The following EIF4G3 variants were observed in gnomAD, a reference collection of about 807,000 sequenced individuals.
The protein encoded by EIF4G3 is eIF-4-gamma 3.
EIF4G3 carries 34 observed loss-of-function variants against 186.4 expected under a neutral mutation model. The ratio of observed to expected loss-of-function variants is 0.18; its 90% confidence interval spans 0.14 to 0.24. The LOEUF is 0.24. Ranked by LOEUF, EIF4G3 falls within the 10% of genes least tolerant of loss-of-function variation. The pLI is 1.00. For synonymous variants in EIF4G3, 673 were observed against 679.5 expected, an observed-to-expected ratio of 0.99 and a Z score of 0.15; for missense variants, 1,536 against 1,948.5, an observed-to-expected ratio of 0.79 and a Z score of 3.99.
At chr1:21,161,274 C>A (rs947751362) in intron 2 of EIF4G3, among the ~76,000 whole-genome samples, 2 of 151,710 alleles carry the variant, frequency 1.3e-5, no homozygotes, top group Non-Finnish European at 2.9e-5. Flanking sequence ...GAGGCCGAGG[C>A]GGGTGGATCA....
intron 7 of EIF4G3, among the ~76,000 whole-genome samples, chr1:20,990,797 G>A (rs998323087): frequency 1.3e-5 from 2 of 152,176 alleles, no homozygotes; most frequent in Non-Finnish European, 2.9e-5. Flanking sequence ...AAAAATTCAC[G>A]ACTTGCTTTA....
intron 2 of EIF4G3, among the ~76,000 whole-genome samples, chr1:21,153,304 C>T (rs1248606556): frequency 6.6e-6 from 1 of 152,202 alleles, no homozygotes; most frequent in Non-Finnish European, 1.5e-5. Context: ...ATTCTAACGG[C>T]ATTCTGAATA....
chr1:21,017,488 C>A (rs999291266), intron 4 of EIF4G3, among the ~76,000 whole-genome samples: 2 of 151,868 alleles, frequency 1.3e-5, no homozygotes, highest in African/African-American at 4.8e-5. Flanking sequence ...ATTAGCTGGG[C>A]GTGGTGGCGG....
At chr1:20,986,959 A>G (rs954813722) in intron 7 of EIF4G3, among the ~76,000 whole-genome samples, 1 of 151,992 alleles carries the variant, frequency 6.6e-6, no homozygotes, top group Non-Finnish European at 1.5e-5. Context: ...GAAGGTGAAA[A>G]CTCTCATTTG....
chr1:21,161,574 G>A (rs1303470953), intron 2 of EIF4G3: 1 of 152,258 alleles, frequency 6.6e-6, no homozygotes, highest in Non-Finnish European at 1.5e-5. Context: ...TATCCTTTCA[G>A]AAAAATCTCA....
intron 2 of EIF4G3, among the ~76,000 whole-genome samples, chr1:21,139,416 C>A (rs573477685): frequency 1.3e-5 from 2 of 152,180 alleles, no homozygotes; most frequent in East Asian, 3.9e-4. Context: ...AATCTCACCA[C>A]TGCACTCCAG....
intron 11 of EIF4G3, 107 bp downstream of exon 11, chr1:20,972,895 A>G: frequency 1.1e-6 from 1 of 882,086 alleles, no homozygotes. Flanking sequence ...AAAAAAAAAA[A>G]AGGCACAGTA....
intron 2 of EIF4G3, among the ~76,000 whole-genome samples, chr1:21,141,480 GAAAAA>G (rs1221266065): frequency 1.4e-5 from 1 of 70,008 alleles, no homozygotes; most frequent in Admixed American, 1.4e-4. Context: ...CCTACCAAGA[GAAAAA>G]AAAAAAAAAA....
chr1:20,901,169 C>G (rs1244399708), intron 15 of EIF4G3, among the ~76,000 whole-genome samples: 4 of 152,026 alleles, frequency 2.6e-5, no homozygotes, highest in Non-Finnish European at 5.9e-5. Context: ...AAAAGACAGA[C>G]AGACATAATA....
intron 20 of EIF4G3, among the ~76,000 whole-genome samples, chr1:20,867,037 C>T (rs552328005): frequency 7.2e-5 from 11 of 152,290 alleles, no homozygotes; most frequent in African/African-American, 2.6e-4. Flanking sequence ...AAGCCACTGC[C>T]ATATGGTGAG....
chr1:21,133,461 G>A (rs1032650354), intron 2 of EIF4G3, among the ~76,000 whole-genome samples: 6 of 152,024 alleles, frequency 3.9e-5, no homozygotes, highest in Admixed American at 2.6e-4. Flanking sequence ...TCCTGACCTC[G>A]TGATCCGCCC....
intron 4 of EIF4G3, among the ~76,000 whole-genome samples, chr1:21,004,323 G>A (rs1005652535): frequency 1.3e-5 from 2 of 151,976 alleles, no homozygotes; most frequent in African/African-American, 4.8e-5. Flanking sequence ...GCTTTTCATT[G>A]TAAATCCATG....
chr1:21,029,648 T>C (rs1189663625), intron 4 of EIF4G3, among the ~76,000 whole-genome samples: 1 of 151,844 alleles, frequency 6.6e-6, no homozygotes, highest in Non-Finnish European at 1.5e-5. Context: ...CAAAGAGAAC[T>C]AGTGGTTTTA....
intron 3 of EIF4G3, among the ~76,000 whole-genome samples, chr1:21,060,184 A>C (rs1006457104): frequency 6.6e-5 from 10 of 152,154 alleles, no homozygotes; most frequent in Non-Finnish European, 7.3e-5. Flanking sequence ...TTCTAGGCTC[A>C]AGGGGTCCGC....
intron 6 of EIF4G3, among the ~76,000 whole-genome samples, chr1:20,998,386 A>G (rs1381657580): frequency 2.6e-5 from 4 of 152,156 alleles, no homozygotes; most frequent in African/African-American, 9.6e-5. Flanking sequence ...AAAAGAGTAA[A>G]TAAGTCAAAT....
intron 14 of EIF4G3, among the ~76,000 whole-genome samples, chr1:20,939,604 C>T (rs957793128): frequency 3.3e-5 from 5 of 152,108 alleles, no homozygotes; most frequent in Non-Finnish European, 5.9e-5. Context: ...TTTCACTTTA[C>T]ACTTATTTCA....
At chr1:20,998,212 T>TACACACAC (rs5772928) in intron 6 of EIF4G3, among the ~76,000 whole-genome samples, 2,067 of 148,560 alleles carry the variant, frequency 0.014, 33 homozygotes, top group African/African-American at 0.038. Context: ...TTTATGACTT[T>TACACACAC]ACACACACAC....
chr1:21,012,531 T>C (rs2087468317), intron 4 of EIF4G3, among the ~76,000 whole-genome samples: 1 of 151,888 alleles, frequency 6.6e-6, no homozygotes, highest in Non-Finnish European at 1.5e-5. Context: ...CATCACCCAA[T>C]GAAAACACCA....
intron 2 of EIF4G3, among the ~76,000 whole-genome samples, chr1:21,144,374 T>A (rs1248715802): frequency 2.6e-5 from 4 of 151,970 alleles, no homozygotes; most frequent in Non-Finnish European, 5.9e-5. Flanking sequence ...CCACCTCAGC[T>A]CTTTGAGCAG....
Sources: allele counts gnomAD v4.1 joint callset (sites outside exome capture counted in the v4.1 genomes callset), GRCh38; gene constraint gnomAD v4.1.1; transcripts MANE v1.5; gene names NCBI Gene and HGNC (gene_info 2026-07-23, HGNC 2026-07-21).